Variants in NPRL2 observed in about 807,000 individuals in gnomAD.
The protein encoded by NPRL2 is NPR2 like, GATOR1 complex subunit, also known as GATOR1 complex protein NPRL2.
In NPRL2, 21 loss-of-function variants were observed where a neutral mutation model predicts 51.1. That is an observed-to-expected ratio of 0.41 (90% CI 0.29 to 0.59). NPRL2 has a LOEUF of 0.59. Among genes scored for constraint, NPRL2 ranks in the 20% least tolerant of loss-of-function variants. The pLI, the probability that NPRL2 is intolerant of heterozygous loss-of-function variation, is 0.29. For synonymous variants in NPRL2, 175 were observed against 187.8 expected, an observed-to-expected ratio of 0.93 and a Z score of 0.56; for missense variants, 376 against 483.4, an observed-to-expected ratio of 0.78 and a Z score of 2.08.
chr3:50,348,550 CA>C lies in NPRL2; in HGVS notation c.696del (p.Val233Ter). 6.2e-7 allele frequency: 1 copy of C among 1,614,138 alleles called. No homozygotes were observed. Among genetic ancestry groups the C allele is most frequent in the Non-Finnish European group, 8.5e-7 (1 of 1,180,044 alleles). On this transcript the variant is annotated frameshift_variant, in exon 7 of 11. Transcript: ENST00000232501. LOFTEE classifies it high-confidence loss of function. The surrounding 1 kb of genome is among the most constrained non-coding windows in gnomAD (Gnocchi z 5.8). ...IAIQNLLYYG[V>X]VTLVSILQYS... The stretch of plus-strand genomic sequence containing the variant: ...ACCTGGAGGATGGACACCAGTGTCA[CA>C]ACGCCGTAGTACCTGAGAGAGAGAG...
chr3:50,350,177 A>G lies in NPRL2; in HGVS notation c.79-155T>C, dbSNP rs900818668. The G allele has an allele frequency of 3.1e-6, 2 of 637,438 alleles. No homozygotes were observed. Among genetic ancestry groups the G allele is most frequent in the African/African-American group, 3.7e-5 (2 of 54,652 alleles). The allele number at this position is 637,438 out of a possible 1,614,324, so 39.5% of individuals were successfully genotyped here. ...GCCTATTACTTCTTTCTGTTTCCAA[A>G]CATACGCTATGATCTCACCTCCTTC... On this transcript the variant is annotated intron_variant, in intron 1 of 10. Transcript: ENST00000232501. The surrounding 1 kb of genome is among the most constrained non-coding windows in gnomAD (Gnocchi z 5.7).
Position 50,350,246 on chromosome 3 carries a change from C to A in NPRL2, c.79-224G>T, listed in dbSNP as rs1049456494. On this transcript the variant is annotated intron_variant, in intron 1 of 10. Coordinates refer to ENST00000232501, the MANE Select transcript of NPRL2 (RefSeq NM_006545.5). This position sits in a 1 kb window ranked among gnomAD's most constrained non-coding sequence, Gnocchi z 5.7. Reference sequence around the variant, plus strand: ...GTTCCCTCTACCTGGAACACTTTCTCCTGCCTTACCTAAACTTCCTATGCA... The same window carrying A: ...GTTCCCTCTACCTGGAACACTTTCTACTGCCTTACCTAAACTTCCTATGCA... 6 of 596,928 alleles carry A rather than the reference C, an allele frequency of 1.0e-5. No individual in the cohort carries two copies. The highest frequency in any genetic ancestry group is 7.4e-5 in the African/African-American group (4 of 53,782). The allele number at this position is 596,928 out of a possible 1,614,324, so 37.0% of individuals were successfully genotyped here. A position where few individuals can be genotyped will look rare whatever the true frequency, so the allele number is the denominator to read the frequency against.
In NPRL2 at chr3:50,350,228, C is replaced by G; in HGVS notation, c.79-206G>C. Reference sequence around the variant, plus strand: ...CTGGCTTCTGCATATGCTGTTCCCTCTACCTGGAACACTTTCTCCTGCCTT... The same window carrying G: ...CTGGCTTCTGCATATGCTGTTCCCTGTACCTGGAACACTTTCTCCTGCCTT... On this transcript the variant is annotated intron_variant, in intron 1 of 10. Transcript: ENST00000232501. The surrounding 1 kb of genome is among the most constrained non-coding windows in gnomAD (Gnocchi z 5.7). 5.0e-6 allele frequency: 3 copies of G among 599,572 alleles called. No homozygotes were observed. The highest frequency in any genetic ancestry group is 4.0e-5 in the South Asian group (2 of 50,116). The allele number at this position is 599,572 out of a possible 1,614,324, so 37.1% of individuals were successfully genotyped here.
At chr3:50,347,697 G>T in intron 10 of NPRL2, 24 bp from the exon 11 acceptor site, 1 of 1,613,998 alleles carries the variant, frequency 6.2e-7, no homozygotes. Context: ...TGGAGGAGAG[G>T]TCAGTGGCCT....
chr3:50,347,750 T>C lies in NPRL2; in HGVS notation c.1075+9A>G. On this transcript the variant is annotated intron_variant, in intron 10 of 10. Coordinates refer to ENST00000232501, the MANE Select transcript of NPRL2 (RefSeq NM_006545.5). ...CCTGAACCCACCCTGACTGCCCGCCTGCCTCCACCTGTCTTGCAGCAGATC... is the reference window on the plus strand; with the variant it reads ...CCTGAACCCACCCTGACTGCCCGCCCGCCTCCACCTGTCTTGCAGCAGATC... 3 of 1,613,888 alleles carry C rather than the reference T, an allele frequency of 1.9e-6. No homozygotes were observed. The highest frequency in any genetic ancestry group is 2.5e-6 in the Non-Finnish European group (3 of 1,180,022).
Position 50,349,326 on chromosome 3 carries a change from T to C in NPRL2, c.448+60A>G. On this transcript the variant is annotated intron_variant, in intron 4 of 10. Coordinates refer to ENST00000232501, the MANE Select transcript of NPRL2 (RefSeq NM_006545.5). This position sits in a 1 kb window ranked among gnomAD's most constrained non-coding sequence, Gnocchi z 4.6. ...AGTCTTGCCCTTCTCCCTGACTAGC[T>C]GGGTTCACTTTCCCATCTCTCCTCT... The C allele has an allele frequency of 1.4e-6, 2 of 1,425,790 alleles. No individual in the cohort carries two copies. Among genetic ancestry groups the C allele is most frequent in the Non-Finnish European group, 2.0e-6 (2 of 1,011,584 alleles). 88.3% of individuals were successfully genotyped at this position (1,425,790 alleles called of 1,614,324 possible).
At position 50,348,104 on chromosome 3, in the gene NPRL2, C is replaced by T; in HGVS notation, c.932+20G>A. The T allele has an allele frequency of 1.9e-6, 3 of 1,612,986 alleles. No homozygotes were observed. Among genetic ancestry groups the T allele is most frequent in the Non-Finnish European group, 2.5e-6 (3 of 1,179,180 alleles). On this transcript the variant is annotated intron_variant, in intron 9 of 10. Coordinates refer to ENST00000232501, the MANE Select transcript of NPRL2 (RefSeq NM_006545.5). The surrounding 1 kb of genome is among the most constrained non-coding windows in gnomAD (Gnocchi z 5.8). ...TTCCCTCAGGTAACTCCCAAATGCC[C>T]CAGCAAATTCTCCTCTGACCGTTCA...
chr3:50,347,731 CCCA>C, intron 10 of NPRL2, 25 bp downstream of exon 10: 2 of 1,613,816 alleles, frequency 1.2e-6, no homozygotes, highest in Non-Finnish European at 1.7e-6. Context: ...CTGCCCTGAA[CCCA>C]CCCTGACTGC....
In NPRL2 at chr3:50,348,078, C is replaced by T. The variant is rs777448940; in HGVS notation, c.932+46G>A. 1 of 1,603,888 alleles carries T rather than the reference C, an allele frequency of 6.2e-7. No individual in the cohort carries two copies. Among genetic ancestry groups the T allele is most frequent in the South Asian group, 1.1e-5 (1 of 90,822 alleles). On this transcript the variant is annotated intron_variant, in intron 9 of 10. Coordinates refer to ENST00000232501, the MANE Select transcript of NPRL2 (RefSeq NM_006545.5). The surrounding 1 kb of genome is among the most constrained non-coding windows in gnomAD (Gnocchi z 5.8). ...CTCCTGAGAGACATAAAGGGTCTAG[C>T]TTCCCTCAGGTAACTCCCAAATGCC...
rs751024304 is a variant in NPRL2, at chr3:50,348,434, G to C, written c.721-24C>G. 4 of 1,613,374 alleles carry C rather than the reference G, an allele frequency of 2.5e-6. No individual in the cohort carries two copies. Among genetic ancestry groups the C allele is most frequent in the Admixed American group, 3.3e-5 (2 of 60,018 alleles). The stretch of plus-strand genomic sequence containing the variant: ...TACTAGAGGGTAGCAGAAGGCATAG[G>C]GGCCTGAGTGAGGGGCTTGGGAAGC... On this transcript the variant is annotated intron_variant, in intron 7 of 10. Coordinates refer to ENST00000232501, the MANE Select transcript of NPRL2 (RefSeq NM_006545.5). The surrounding 1 kb of genome is among the most constrained non-coding windows in gnomAD (Gnocchi z 5.8).
At position 50,347,888 on chromosome 3, in the gene NPRL2, A is replaced by T. The variant is rs1434960320; in HGVS notation, c.946T>A (p.Phe316Ile). 1 of 1,614,018 alleles carries T rather than the reference A, an allele frequency of 6.2e-7. No homozygotes were observed. Among genetic ancestry groups the T allele is most frequent in the Admixed American group, 1.7e-5 (1 of 60,018 alleles). ...CTGATGAGGTTCTTCATAAGCCCGAACTGGATCAGCTTCCTAGGGTGAGGA... is the reference window on the plus strand; with the variant it reads ...CTGATGAGGTTCTTCATAAGCCCGATCTGGATCAGCTTCCTAGGGTGAGGA... ...QHVDERKLIQ[F>I]GLMKNLIRRL... The change falls in exon 10 of 11, where the codon TTC (phenylalanine) becomes ATC (isoleucine). Residue 316 changes from phenylalanine (F) to isoleucine (I), a missense_variant. Transcript: ENST00000232501.
In NPRL2 at chr3:50,349,032, T is replaced by G. The variant is rs747663241; in HGVS notation, c.449-22A>C. 1 of 1,608,564 alleles carries G rather than the reference T, an allele frequency of 6.2e-7. No individual in the cohort carries two copies. The highest frequency in any genetic ancestry group is 8.5e-7 in the Non-Finnish European group (1 of 1,177,172). ...TCATCTGCAGGGGGCCCCATCCATATCCTCAGTGCCACTTCTTCCAAGAGG... is the reference window on the plus strand; with the variant it reads ...TCATCTGCAGGGGGCCCCATCCATAGCCTCAGTGCCACTTCTTCCAAGAGG... On this transcript the variant is annotated intron_variant, in intron 4 of 10. Transcript: ENST00000232501. This position sits in a 1 kb window ranked among gnomAD's most constrained non-coding sequence, Gnocchi z 4.6.
rs202157450 is a variant in NPRL2 at position 50,348,766 on chromosome 3, T to G, written c.602A>C (p.Asp201Ala). 2 of 1,613,914 alleles carry G rather than the reference T, an allele frequency of 1.2e-6. No individual in the cohort carries two copies. The highest frequency in any genetic ancestry group is 1.6e-4 in the Middle Eastern group (1 of 6,062). Residue 201 changes from aspartate (D) to alanine (A), a missense_variant, in exon 6 of 11, where the codon GAT (aspartate) becomes GCT (alanine). Coordinates refer to ENST00000232501, the MANE Select transcript of NPRL2 (RefSeq NM_006545.5). The surrounding 1 kb of genome is among the most constrained non-coding windows in gnomAD (Gnocchi z 5.8). ...LTTQQILPYI[D>A]GFRHIQKISA... is the part of the protein sequence containing the mutation. The stretch of plus-strand genomic sequence containing the variant: ...AATCTTCTGGATGTGGCGGAACCCA[T>G]CAATGTAGGGCAGGATCTGGGCAGA...
Position 50,349,629 on chromosome 3 carries a change from G to A in NPRL2, c.339+36C>T. On this transcript the variant is annotated intron_variant, in intron 3 of 10. Coordinates refer to ENST00000232501, the MANE Select transcript of NPRL2 (RefSeq NM_006545.5). The surrounding 1 kb of genome is among the most constrained non-coding windows in gnomAD (Gnocchi z 4.6). Reference sequence around the variant, plus strand: ...ACATGGGAACACCTTCCCCAACTCTGCCTGTCGGTAAACCCAAGCCCATCT... The same window carrying A: ...ACATGGGAACACCTTCCCCAACTCTACCTGTCGGTAAACCCAAGCCCATCT... 1 of 1,602,630 alleles carries A rather than the reference G, an allele frequency of 6.2e-7. No homozygotes were observed. Among genetic ancestry groups the A allele is most frequent in the Non-Finnish European group, 8.5e-7 (1 of 1,171,622 alleles).
rs756579454 is a variant in NPRL2 at position 50,349,915 on chromosome 3, C to T, written c.170+16G>A. On this transcript the variant is annotated intron_variant, in intron 2 of 10. Transcript: ENST00000232501. This position sits in a 1 kb window ranked among gnomAD's most constrained non-coding sequence, Gnocchi z 4.6. The stretch of plus-strand genomic sequence containing the variant: ...AACCCCTGCCACCCACCGCTCACCC[C>T]GAGCTAGGGTCTCACACAGTGATAA... 7.4e-6 allele frequency: 12 copies of T among 1,613,746 alleles called. No homozygotes were observed. Among genetic ancestry groups the T allele is most frequent in the Admixed American group, 6.7e-5 (4 of 59,988 alleles).
rs1450962333 is a variant in NPRL2, at chr3:50,349,963, G to C, written c.138C>G (p.Thr46=). 4.3e-6 allele frequency: 7 copies of C among 1,613,780 alleles called. No individual in the cohort carries two copies. Among genetic ancestry groups the C allele is most frequent in the East Asian group, 2.2e-5 (1 of 44,876 alleles). The change falls in exon 2 of 11, where the codon ACC becomes ACG. Residue 46 remains threonine (T), a synonymous_variant. Transcript: ENST00000232501. The surrounding 1 kb of genome is among the most constrained non-coding windows in gnomAD (Gnocchi z 4.6). ...LFDTVQVYII[T]KPELQNKLIT... ...TAAGCTTGTTCTGCAGCTCTGGCTT[G>C]GTGATGATGTACACTTGGACTGTGT... is the stretch of plus-strand genomic sequence containing the variant.
At position 50,348,775 on chromosome 3, in the gene NPRL2, G is replaced by C; in HGVS notation, c.593C>G (p.Pro198Arg). Reference protein sequence around the residue: ...QWDLTTQQILPYIDGFRHIQK... With the variant: ...QWDLTTQQILRYIDGFRHIQK... ...GATGTGGCGGAACCCATCAATGTAG[G>C]GCAGGATCTGGGCAGAGTGGGACAA... Residue 198 changes from proline (P) to arginine (R), a missense_variant, in exon 6 of 11, where the codon CCC (proline) becomes CGC (arginine). Coordinates refer to ENST00000232501, the MANE Select transcript of NPRL2 (RefSeq NM_006545.5). This position sits in a 1 kb window ranked among gnomAD's most constrained non-coding sequence, Gnocchi z 5.8. 6.2e-7 allele frequency: 1 copy of C among 1,614,024 alleles called. No individual in the cohort carries two copies. The highest frequency in any genetic ancestry group is 2.2e-5 in the East Asian group (1 of 44,886).
chr3:50,348,592 G>A lies in NPRL2; in HGVS notation c.684-29C>T, dbSNP rs1703638879. 1.2e-6 allele frequency: 2 copies of A among 1,613,982 alleles called. No individual in the cohort carries two copies. The highest frequency in any genetic ancestry group is 1.6e-4 in the Middle Eastern group (1 of 6,084). On this transcript the variant is annotated intron_variant, in intron 6 of 10. Transcript: ENST00000232501. The surrounding 1 kb of genome is among the most constrained non-coding windows in gnomAD (Gnocchi z 5.8). ...AGAGAGAGAGCTGTGCTCAGCTTCT[G>A]AGGACCATGCCTTCCCAACCCTCAC...
rs779257186 is a variant in NPRL2, at chr3:50,348,388, G to A, written c.743C>T (p.Thr248Met). ...ATCTACCAGGTCCTGGACCTTGGGCGTTGGGCAGTATACATTGGAGTACTA... is the reference window on the plus strand; with the variant it reads ...ATCTACCAGGTCCTGGACCTTGGGCATTGGGCAGTATACATTGGAGTACTA... ...ILQYSNVYCP[T>M]PKVQDLVDDK... Residue 248 changes from threonine to methionine, a missense_variant, in exon 8 of 11, where the codon ACG (threonine) becomes ATG (methionine). Thr to Met is a moderately conservative substitution (Grantham distance 81). Transcript: ENST00000232501. This position sits in a 1 kb window ranked among gnomAD's most constrained non-coding sequence, Gnocchi z 5.8. 35 of 1,613,930 alleles carry A rather than the reference G, an allele frequency of 2.2e-5. 1 individual carries two copies. Among genetic ancestry groups the A allele is most frequent in the South Asian group, 8.8e-5 (8 of 91,084 alleles).
Sources: allele counts gnomAD v4.1 joint callset, GRCh38; gene constraint gnomAD v4.1.1; non-coding constraint Gnocchi (gnomAD v3.1); transcripts MANE v1.5; gene names NCBI Gene and HGNC (gene_info 2026-07-23, HGNC 2026-07-21).